The following RNF24 variants were observed in gnomAD, a reference collection of about 807,000 sequenced individuals.
RNF24 encodes the protein ring finger protein 24.
RNF24 carries 14 observed loss-of-function variants against 20.0 expected under a neutral mutation model. That is an observed-to-expected ratio of 0.70 (90% CI 0.46 to 1.10). RNF24 has a LOEUF of 1.10. Ranked by LOEUF, RNF24 falls within the 50% of genes least tolerant of loss-of-function variation. The probability of loss-of-function intolerance (pLI) is 0.00; values close to 1 mark genes in which losing one functional copy is unlikely to be tolerated. For synonymous variants in RNF24, 45 were observed against 61.1 expected (o/e 0.74, Z 1.23); for missense variants, 124 against 177.6 (o/e 0.70, Z 1.71).
intron 4 of RNF24, among the ~76,000 whole-genome samples, chr20:3,942,367 C>T (rs2146950840): frequency 6.7e-6 from 1 of 149,178 alleles, no homozygotes; most frequent in African/African-American, 2.5e-5. Context: ...TGAGGTCTCA[C>T]TATGTTGCCC....
intron 1 of RNF24, among the ~76,000 whole-genome samples, chr20:3,981,148 T>C (rs544596379): frequency 3.3e-5 from 5 of 152,108 alleles, no homozygotes; most frequent in Admixed American, 3.3e-4. Flanking sequence ...TCAACGTAAA[T>C]ATTTCTACCT....
rs1441834364 is a variant in RNF24 at position 3,946,730 on chromosome 20, GA to G, written c.186+1506del. ...AAAAAAAAGATTATGATAGGACTGA[GA>G]CAAAAAGATTCATTCATTTAGAAAA... On this transcript the variant is annotated intron_variant, in intron 3 of 5. Coordinates refer to ENST00000358395, the MANE Select transcript of RNF24 (RefSeq NM_001134337.3). 4.7e-5 allele frequency among the ~76,000 whole-genome samples: 7 copies of G among 150,392 alleles called. No homozygotes were observed. The East Asian group carries it at 1.4e-3, about 29-fold the overall frequency.
At chr20:4,008,494 T>TATA (rs1295418955) in intron 1 of RNF24, among the ~76,000 whole-genome samples, 5 of 82,960 alleles carry the variant, frequency 6.0e-5, no homozygotes, top group African/African-American at 2.6e-4. Flanking sequence ...TATAATATAA[T>TATA]ATATATATTA....
intron 2 of RNF24, among the ~76,000 whole-genome samples, chr20:3,949,934 G>T (rs1884425689): frequency 6.6e-6 from 1 of 152,148 alleles, no homozygotes; most frequent in South Asian, 2.1e-4. Flanking sequence ...ACAAATGTAG[G>T]TCTATGATCC....
rs138263310 is a variant in RNF24 at position 3,957,354 on chromosome 20, G to A, written c.143+6521C>T. On this transcript the variant is annotated intron_variant, in intron 2 of 5. Coordinates refer to ENST00000358395, the MANE Select transcript of RNF24 (RefSeq NM_001134337.3). ...CGTGTGCCTATAGTCTCAGCTACTTGAGAGGCTGAGGTAGGATTGCTTGAG... is the reference window on the plus strand; with the variant it reads ...CGTGTGCCTATAGTCTCAGCTACTTAAGAGGCTGAGGTAGGATTGCTTGAG... Among the ~76,000 whole-genome samples, 20 of 151,538 alleles carry A rather than the reference G, an allele frequency of 1.3e-4. 2 individuals are homozygous for A. The East Asian group carries it at 2.7e-3, about 21-fold the overall frequency.
Position 3,983,770 on chromosome 20 carries a change from A to C in RNF24, c.-7-19746T>G, listed in dbSNP as rs1176819149. On this transcript the variant is annotated intron_variant, in intron 1 of 5. Coordinates refer to ENST00000358395, the MANE Select transcript of RNF24 (RefSeq NM_001134337.3). Reference sequence around the variant, plus strand: ...AGCCTAGCCAACATGGTGAAACCCTATCTCTATTAAAAATACAAAAATTAG... The same window carrying C: ...AGCCTAGCCAACATGGTGAAACCCTCTCTCTATTAAAAATACAAAAATTAG... Among the ~76,000 whole-genome samples the C allele has an allele frequency of 2.6e-5, 4 of 151,728 alleles. No individual in the cohort carries two copies. In the Admixed American group the frequency reaches 2.6e-4, roughly 10 times the overall value.
At chr20:3,972,907 TAA>T (rs879499467) in intron 1 of RNF24, among the ~76,000 whole-genome samples, 3 of 125,762 alleles carry the variant, frequency 2.4e-5, no homozygotes, top group Non-Finnish European at 3.4e-5. Flanking sequence ...CGTCTCAGTT[TAA>T]AAAAAAAAAA....
rs77616304 is a variant in RNF24 at position 3,957,044 on chromosome 20, G to A, written c.143+6831C>T. ...TCAGTGGCTCATGCTTGTAAACCCA[G>A]TACTTTGGGAGGCCGAGGCGGGTGG... On this transcript the variant is annotated intron_variant, in intron 2 of 5. Transcript: ENST00000358395. Among the ~76,000 whole-genome samples the A allele has an allele frequency of 9.1e-4, 138 of 152,222 alleles. No homozygotes were observed. In the East Asian group the frequency reaches 0.011, roughly 13 times the overall value.
intron 1 of RNF24, among the ~76,000 whole-genome samples, chr20:3,994,984 T>G (rs567976705): frequency 1.3e-5 from 2 of 152,134 alleles, no homozygotes; most frequent in South Asian, 4.2e-4. Context: ...GCCTTAAAAG[T>G]GAGAGAAAAC....
intron 1 of RNF24, among the ~76,000 whole-genome samples, chr20:4,012,829 C>T (rs1982570361): frequency 6.6e-6 from 1 of 152,182 alleles, no homozygotes; most frequent in East Asian, 1.9e-4. Flanking sequence ...CATGAAATTG[C>T]GATACTGTGC....
At chr20:3,991,172 T>C (rs1980401217) in intron 1 of RNF24, among the ~76,000 whole-genome samples, 1 of 151,970 alleles carries the variant, frequency 6.6e-6, no homozygotes, top group Non-Finnish European at 1.5e-5. Context: ...ATGTTACCTA[T>C]TAAAGAGAAT....
intron 2 of RNF24, among the ~76,000 whole-genome samples, chr20:3,955,521 T>G (rs892106778): frequency 2.6e-5 from 4 of 152,218 alleles, no homozygotes; most frequent in Admixed American, 6.5e-5. Context: ...ACCACAATTT[T>G]TTGATTACAG....
At chr20:4,014,661 T>TC (rs1443524345) in intron 1 of RNF24, among the ~76,000 whole-genome samples, 1 of 151,964 alleles carries the variant, frequency 6.6e-6, no homozygotes. Flanking sequence ...TGAAGTTATA[T>TC]CCCCTCCCCT....
At chr20:3,972,919 A>C (rs886370739) in intron 1 of RNF24, among the ~76,000 whole-genome samples, 2 of 147,802 alleles carry the variant, frequency 1.4e-5, no homozygotes, top group Non-Finnish European at 3.0e-5. Context: ...AAAAAAAAAA[A>C]GGGCTGGACG....
Position 3,936,351 on chromosome 20 carries a change from G to C in RNF24, c.229-1278C>G, listed in dbSNP as rs144661811. ...CCCTCAGGATTCCTCACAGAGCTCT[G>C]TTCCTTCATCTGTACAATAAGGACA... is the stretch of plus-strand genomic sequence containing the variant. On this transcript the variant is annotated intron_variant, in intron 4 of 5. Transcript: ENST00000358395. 4.5e-3 allele frequency among the ~76,000 whole-genome samples: 692 copies of C among 152,308 alleles called. 3 individuals carry two copies. Among genetic ancestry groups the C allele is most frequent in the African/African-American group, 0.016 (672 of 41,554 alleles).
chr20:3,978,365 A>G (rs954735508), intron 1 of RNF24, among the ~76,000 whole-genome samples: 3 of 138,538 alleles, frequency 2.2e-5, no homozygotes, highest in Non-Finnish European at 4.7e-5. Flanking sequence ...AGTAAAAAAA[A>G]ATTAATGTAT....
chr20:3,938,415 T>C (rs1274039278), intron 4 of RNF24, among the ~76,000 whole-genome samples: 2 of 152,258 alleles, frequency 1.3e-5, no homozygotes, highest in East Asian at 1.9e-4. Context: ...TACACATTCA[T>C]AGACACAAAA....
At chr20:4,002,849 C>G (rs1441321902) in intron 1 of RNF24, among the ~76,000 whole-genome samples, 1 of 152,114 alleles carries the variant, frequency 6.6e-6, no homozygotes. Context: ...CTGTGTCACG[C>G]TTTTATATAA....
intron 3 of RNF24, among the ~76,000 whole-genome samples, chr20:3,946,209 G>A (rs2091014710): frequency 6.6e-6 from 1 of 152,144 alleles, no homozygotes; most frequent in African/African-American, 2.4e-5. Context: ...GCTCATGCCT[G>A]CAATCCCAGC....
Sources: gnomAD v4.1 joint callset for allele counts (sites outside exome capture counted in the v4.1 genomes callset) on GRCh38, gnomAD v4.1.1 for gene constraint, MANE v1.5 for transcripts, NCBI Gene and HGNC (gene_info 2026-07-23, HGNC 2026-07-21) for gene names.